Variants in WDFY3 observed in about 807,000 individuals in gnomAD.
WDFY3 encodes WD repeat and FYVE domain containing 3, also known as WD repeat and FYVE domain-containing protein 3.
In WDFY3, 66 loss-of-function variants were observed where a neutral mutation model predicts 409.6. That is an observed-to-expected ratio of 0.16 (90% CI 0.13 to 0.20). The LOEUF (loss-of-function observed/expected upper bound fraction) is 0.20, where lower values mean the gene tolerates loss of function less well. WDFY3 is among the 10% of genes least tolerant of loss of function. WDFY3 has a pLI of 1.00. For synonymous variants in WDFY3, 1,521 were observed against 1,537.1 expected (o/e 0.99, Z 0.25); for missense variants, 3,031 against 4,298.1 (o/e 0.71, Z 8.24).
At chr4:84,902,794 T>C (rs1283478919) in intron 2 of WDFY3, among the ~76,000 whole-genome samples, 1 of 152,176 alleles carries the variant, frequency 6.6e-6, no homozygotes, top group Admixed American at 6.5e-5. Context: ...TAAGACTAGG[T>C]CATAAAAAGG....
Position 84,780,408 on chromosome 4 carries a change from T to A in WDFY3, c.4175-110A>T, listed in dbSNP as rs569595940. The A allele has an allele frequency of 6.2e-6, 7 of 1,137,862 alleles. No homozygotes were observed. The African/African-American group carries it at 6.3e-5, about 10-fold the overall frequency. The allele number at this position is 1,137,862 out of a possible 1,614,324, so 70.5% of individuals were successfully genotyped here. On this transcript the variant is annotated intron_variant, in intron 25 of 67. Coordinates refer to ENST00000295888, the MANE Select transcript of WDFY3 (RefSeq NM_014991.6). ...TTAGCAGTGTTTTATTTTAAAAATA[T>A]CTTCTGTCTATAATGCAAATTCTAG...
intron 2 of WDFY3, among the ~76,000 whole-genome samples, chr4:84,918,486 C>T (rs1480452990): frequency 6.6e-6 from 1 of 152,026 alleles, no homozygotes; most frequent in Non-Finnish European, 1.5e-5. Flanking sequence ...TAAGAAAACA[C>T]ACATATCTAC....
intron 51 of WDFY3, among the ~76,000 whole-genome samples, chr4:84,712,929 T>C (rs921330268): frequency 3.9e-5 from 6 of 152,182 alleles, no homozygotes; most frequent in Admixed American, 3.3e-4. Context: ...CACACAGCAA[T>C]ACTCATGCTT....
chr4:84,694,296 T>G (rs542054301), intron 58 of WDFY3, among the ~76,000 whole-genome samples: 23 of 152,336 alleles, frequency 1.5e-4, no homozygotes, highest in African/African-American at 5.3e-4. Context: ...TGCGCCAGGC[T>G]GCGGGTATAT....
At chr4:84,962,153 A>T (rs974946760) in intron 1 of WDFY3, among the ~76,000 whole-genome samples, 1 of 152,252 alleles carries the variant, frequency 6.6e-6, no homozygotes, top group Non-Finnish European at 1.5e-5. Flanking sequence ...GCTGGCTGGT[A>T]CCAGCTCATG....
intron 64 of WDFY3, among the ~76,000 whole-genome samples, chr4:84,681,040 G>A (rs1483363474): frequency 1.3e-5 from 2 of 152,148 alleles, no homozygotes; most frequent in East Asian, 1.9e-4. Context: ...GCTTATGATC[G>A]TGAGCTCTGA....
At chr4:84,891,221 C>A (rs1390236432) in intron 3 of WDFY3, among the ~76,000 whole-genome samples, 2 of 152,078 alleles carry the variant, frequency 1.3e-5, no homozygotes, top group Admixed American at 1.3e-4. Context: ...TTTCGTCTGC[C>A]CTTTCCTCTC....
chr4:84,687,323 A>G (rs999343316), intron 62 of WDFY3, among the ~76,000 whole-genome samples: 1 of 152,008 alleles, frequency 6.6e-6, no homozygotes, highest in Non-Finnish European at 1.5e-5. Context: ...TTTTATTTTT[A>G]GTAGAGACGG....
chr4:84,674,578 T>C (rs571768717), intron 67 of WDFY3, among the ~76,000 whole-genome samples: 2 of 151,182 alleles, frequency 1.3e-5, no homozygotes, highest in East Asian at 3.9e-4. Flanking sequence ...TCAAGAAATA[T>C]ATATATATAG....
At chr4:84,772,465 T>C (rs1335714924) in intron 30 of WDFY3, among the ~76,000 whole-genome samples, 2 of 152,186 alleles carry the variant, frequency 1.3e-5, no homozygotes, top group Non-Finnish European at 2.9e-5. Context: ...AATACAGATA[T>C]ATGGATATAA....
At chr4:84,958,959 T>C (rs765971730) in intron 1 of WDFY3, among the ~76,000 whole-genome samples, 45 of 152,316 alleles carry the variant, frequency 3.0e-4, no homozygotes, top group Non-Finnish European at 5.3e-4. Flanking sequence ...ACCCCAATGA[T>C]TGTATGATGT....
chr4:84,905,744 G>A (rs1369422857), intron 2 of WDFY3, among the ~76,000 whole-genome samples: 1 of 152,064 alleles, frequency 6.6e-6, no homozygotes, highest in Non-Finnish European at 1.5e-5. Flanking sequence ...TAAAATTCTA[G>A]ATATCTGATC....
intron 3 of WDFY3, among the ~76,000 whole-genome samples, chr4:84,863,032 A>G (rs537110535): frequency 1.6e-4 from 25 of 152,352 alleles, no homozygotes; most frequent in African/African-American, 5.3e-4. Flanking sequence ...GTTGCAAATG[A>G]CAGCACTTCC....
chr4:84,692,527 C>T (rs894988556), intron 59 of WDFY3, among the ~76,000 whole-genome samples: 1 of 151,648 alleles, frequency 6.6e-6, no homozygotes, highest in Non-Finnish European at 1.5e-5. Flanking sequence ...ACTAATATAT[C>T]GGATAGGCAG....
At chr4:84,772,737 A>G (rs1744882446) in intron 30 of WDFY3, 98 bp downstream of exon 30, 2 of 918,626 alleles carry the variant, frequency 2.2e-6, no homozygotes, top group Non-Finnish European at 3.3e-6. Context: ...CATATATTAT[A>G]TATAATCACA....
rs76874727 is a variant in WDFY3, at chr4:84,825,827, T to C, written c.1123+988A>G. ...TTTAAATGGAAATATCATGATCCTA[T>C]TGAATACTTAGTAAGTGACAGTCAT... is the stretch of plus-strand genomic sequence containing the variant. On this transcript the variant is annotated intron_variant, in intron 10 of 67. Coordinates refer to ENST00000295888, the MANE Select transcript of WDFY3 (RefSeq NM_014991.6). Among the ~76,000 whole-genome samples the C allele has an allele frequency of 9.6e-3, 1,455 of 152,226 alleles. 30 individuals are homozygous for C. Among genetic ancestry groups the C allele is most frequent in the African/African-American group, 0.033 (1,378 of 41,532 alleles).
chr4:84,701,634 G>A (rs895446994), intron 56 of WDFY3, among the ~76,000 whole-genome samples: 1 of 152,182 alleles, frequency 6.6e-6, no homozygotes, highest in African/African-American at 2.4e-5. Flanking sequence ...GCATAGATCA[G>A]CAAACTGTGT....
At chr4:84,952,989 T>G (rs1773795453) in intron 1 of WDFY3, among the ~76,000 whole-genome samples, 1 of 152,140 alleles carries the variant, frequency 6.6e-6, no homozygotes, top group Admixed American at 6.6e-5. Flanking sequence ...TCATGTTCAC[T>G]GCAGCATTAT....
At chr4:84,760,740 T>A (rs1329448509) in intron 32 of WDFY3, among the ~76,000 whole-genome samples, 14 of 149,122 alleles carry the variant, frequency 9.4e-5, no homozygotes, top group African/African-American at 3.5e-4. Flanking sequence ...ATTTTGTTGA[T>A]CCTTTCAAAA....
Sources: gnomAD v4.1 joint callset for allele counts (sites outside exome capture counted in the v4.1 genomes callset) on GRCh38, gnomAD v4.1.1 for gene constraint, MANE v1.5 for transcripts, NCBI Gene and HGNC (gene_info 2026-07-23, HGNC 2026-07-21) for gene names.